Variants in PDCD1LG2 observed in about 807,000 individuals in gnomAD.
PDCD1LG2 encodes the protein programmed cell death 1 ligand 2, also known as B7 dendritic cell molecule.
A neutral mutation model predicts 28.2 loss-of-function variants in PDCD1LG2; 32 were observed. The ratio of observed to expected loss-of-function variants is 1.13; its 90% CI spans 0.86 to 1.52. The LOEUF (loss-of-function observed/expected upper bound fraction) is 1.52, where lower values mean the gene tolerates loss of function less well. Ranked by LOEUF, PDCD1LG2 falls within the 40% of genes most tolerant of loss-of-function variation. The probability of loss-of-function intolerance (pLI) is 0.00; values close to 1 mark genes in which losing one functional copy is unlikely to be tolerated. For missense variants in PDCD1LG2, 385 were observed against 323.8 expected (o/e 1.19, Z -1.45); for synonymous variants, 116 against 120.2 (o/e 0.97, Z 0.23).
At position 5,535,013 on chromosome 9, in the gene PDCD1LG2, C is replaced by T. The variant is rs541053445; in HGVS notation, c.324C>T (p.Val108=). The T allele has an allele frequency of 3.7e-5, 59 of 1,612,890 alleles. No individual in the cohort carries two copies. The highest frequency in any genetic ancestry group is 3.3e-4 in the Middle Eastern group (2 of 6,058). The part of the protein sequence containing the change: ...GQYQCIIIYG[V]AWDYKYLTLK... Reference sequence around the variant, plus strand: ...ACCAATGCATAATCATCTATGGGGTCGCCTGGGACTACAAGTACCTGACTC... The same window carrying T: ...ACCAATGCATAATCATCTATGGGGTTGCCTGGGACTACAAGTACCTGACTC... Residue 108 remains valine, a synonymous_variant, in exon 3 of 7, where the codon GTC becomes GTT. Transcript: ENST00000397747.
intron 4 of PDCD1LG2, among the ~76,000 whole-genome samples, chr9:5,551,667 G>A (rs1184177778): frequency 6.6e-6 from 1 of 152,192 alleles, no homozygotes; most frequent in East Asian, 1.9e-4. Flanking sequence ...AAGTCGCAGG[G>A]CAGAAAGAAA....
In PDCD1LG2 at chr9:5,522,534, T is replaced by A. The variant is rs748384222; in HGVS notation, c.-13T>A. On this transcript the variant is annotated splice_region_variant and 5_prime_UTR_variant, in exon 2 of 7. Transcript: ENST00000397747. ...GAGACTTTCAATTGTCTATTTCAGA[T>A]CAAATACAGAACATGATCTTCCTCC... The A allele has an allele frequency of 3.7e-6, 6 of 1,612,730 alleles. No individual in the cohort carries two copies. The highest frequency in any genetic ancestry group is 5.1e-6 in the Non-Finnish European group (6 of 1,179,160).
chr9:5,561,265 G>A (rs1816558393), intron 5 of PDCD1LG2, among the ~76,000 whole-genome samples: 1 of 152,204 alleles, frequency 6.6e-6, no homozygotes, highest in African/African-American at 2.4e-5. Flanking sequence ...GTATTGGACA[G>A]TACAGATATA....
At chr9:5,563,960 T>A (rs1183244814) in intron 6 of PDCD1LG2, among the ~76,000 whole-genome samples, 1 of 152,172 alleles carries the variant, frequency 6.6e-6, no homozygotes, top group African/African-American at 2.4e-5. Context: ...GATAATTACA[T>A]CTACAAAATA....
rs759482157 is a variant in PDCD1LG2, at chr9:5,522,528, T to A, written c.-14-5T>A. On this transcript the variant is annotated splice_polypyrimidine_tract_variant and splice_region_variant and intron_variant, in intron 1 of 6. Coordinates refer to ENST00000397747, the MANE Select transcript of PDCD1LG2 (RefSeq NM_025239.4). Reference sequence around the variant, plus strand: ...GGCCCTGAGACTTTCAATTGTCTATTTCAGATCAAATACAGAACATGATCT... The same window carrying A: ...GGCCCTGAGACTTTCAATTGTCTATATCAGATCAAATACAGAACATGATCT... 2 of 1,611,436 alleles carry A rather than the reference T, an allele frequency of 1.2e-6. No individual in the cohort carries two copies. Among genetic ancestry groups the A allele is most frequent in the African/African-American group, 2.7e-5 (2 of 74,790 alleles).
At chr9:5,545,738 A>G (rs1816190855) in intron 3 of PDCD1LG2, among the ~76,000 whole-genome samples, 1 of 152,208 alleles carries the variant, frequency 6.6e-6, no homozygotes, top group Non-Finnish European at 1.5e-5. Context: ...AGAAAATAGA[A>G]AATCTGAACA....
At chr9:5,540,025 C>A (rs553265639) in intron 3 of PDCD1LG2, among the ~76,000 whole-genome samples, 2 of 152,156 alleles carry the variant, frequency 1.3e-5, no homozygotes, top group East Asian at 3.9e-4. Context: ...TTAAGAAAAT[C>A]AAAATTATAT....
intron 4 of PDCD1LG2, 45 bp from the exon 5 acceptor site, chr9:5,557,573 C>T (rs2129919909): frequency 6.2e-7 from 1 of 1,610,488 alleles, no homozygotes; most frequent in Non-Finnish European, 8.5e-7. Flanking sequence ...TGGTCTACCT[C>T]TTAGTTGCCA....
Position 5,569,954 on chromosome 9 carries a change from A to G in PDCD1LG2, c.817A>G (p.Ile273Val), listed in dbSNP as rs142289553. Residue 273 changes from isoleucine to valine, a missense_variant and splice_region_variant, in exon 7 of 7, where the codon ATC becomes GTC. Physicochemically the swap from Ile to Val is conservative, Grantham distance 29. Transcript: ENST00000397747. This position sits in a 1 kb window ranked among gnomAD's most constrained non-coding sequence, Gnocchi z 4.1. ...CTTATTTGTGGGCTTTTCTCCCCAG[A>G]TCTGAACCTGTGGTCTTGGGAGCCA... is the stretch of plus-strand genomic sequence containing the variant. ...TTTKREVNSA[I>V] The G allele has an allele frequency of 7.0e-5, 113 of 1,614,070 alleles. 1 individual carries two copies. The African/African-American group carries it at 1.1e-3, about 16-fold the overall frequency.
At chr9:5,521,524 C>G (rs1820274197) in intron 1 of PDCD1LG2, among the ~76,000 whole-genome samples, 1 of 152,170 alleles carries the variant, frequency 6.6e-6, no homozygotes, top group African/African-American at 2.4e-5. Flanking sequence ...CCCCTCTACT[C>G]TAAGCTATCA....
At chr9:5,533,431 A>C (rs1280322770) in intron 2 of PDCD1LG2, among the ~76,000 whole-genome samples, 4 of 152,210 alleles carry the variant, frequency 2.6e-5, no homozygotes, top group Non-Finnish European at 2.9e-5. Context: ...TTGCACTGGT[A>C]AATAGAGAAT....
At chr9:5,531,785 C>T (rs1006734226) in intron 2 of PDCD1LG2, among the ~76,000 whole-genome samples, 2 of 152,196 alleles carry the variant, frequency 1.3e-5, no homozygotes, top group African/African-American at 2.4e-5. Context: ...CAGCAACTAA[C>T]CTTCCTTGTA....
At chr9:5,533,730 G>A (rs960069771) in intron 2 of PDCD1LG2, among the ~76,000 whole-genome samples, 1 of 151,870 alleles carries the variant, frequency 6.6e-6, no homozygotes, top group African/African-American at 2.4e-5. Context: ...ACTCTGAGTG[G>A]AAACTACGGA....
intron 1 of PDCD1LG2, among the ~76,000 whole-genome samples, chr9:5,511,026 T>C (rs1239114540): frequency 1.3e-5 from 2 of 152,240 alleles, no homozygotes; most frequent in East Asian, 3.8e-4. Flanking sequence ...CTCAGTTTTA[T>C]AAGGTGAGAT....
chr9:5,516,251 C>T (rs1820161467), intron 1 of PDCD1LG2, among the ~76,000 whole-genome samples: 2 of 152,160 alleles, frequency 1.3e-5, no homozygotes, highest in Admixed American at 6.5e-5. Flanking sequence ...CGGGGTTTCG[C>T]CATGTTGGCC....
At chr9:5,533,226 C>T (rs142810705) in intron 2 of PDCD1LG2, among the ~76,000 whole-genome samples, 34 of 152,320 alleles carry the variant, frequency 2.2e-4, no homozygotes, top group African/African-American at 8.2e-4. Context: ...TTTTCCTATA[C>T]CTCCATCATA....
At chr9:5,514,863 G>A (rs995722970) in intron 1 of PDCD1LG2, among the ~76,000 whole-genome samples, 5 of 151,728 alleles carry the variant, frequency 3.3e-5, no homozygotes, top group African/African-American at 4.8e-5. Context: ...CCTGAGAGGC[G>A]CAATCGTTCT....
intron 1 of PDCD1LG2, among the ~76,000 whole-genome samples, chr9:5,518,662 C>T (rs1420898158): frequency 2.6e-5 from 4 of 152,214 alleles, no homozygotes; most frequent in Non-Finnish European, 5.9e-5. Flanking sequence ...AAAATAAAAA[C>T]AAGAATACAG....
chr9:5,544,517 G>A (rs1481040131), intron 3 of PDCD1LG2, among the ~76,000 whole-genome samples: 9 of 152,064 alleles, frequency 5.9e-5, no homozygotes, highest in Admixed American at 3.3e-4. Flanking sequence ...TGGCTGTCAC[G>A]TTCCTAGGCT....
Sources: gnomAD v4.1 joint callset for allele counts (sites outside exome capture counted in the v4.1 genomes callset) on GRCh38, gnomAD v4.1.1 for gene constraint, Gnocchi (gnomAD v3.1) non-coding constraint, MANE v1.5 for transcripts, NCBI Gene and HGNC (gene_info 2026-07-23, HGNC 2026-07-21) for gene names.